Variants in IQGAP2 observed in about 807,000 individuals in gnomAD.
IQGAP2 encodes the protein ras GTPase-activating-like protein IQGAP2.
IQGAP2 carries 173 observed loss-of-function variants against 201.3 expected under a neutral mutation model. The ratio of observed to expected loss-of-function variants is 0.86; its 90% CI spans 0.76 to 0.98. The LOEUF is 0.98. IQGAP2 is among the 50% of genes least tolerant of loss of function. The pLI, the probability that IQGAP2 is intolerant of heterozygous loss-of-function variation, is 0.00. For missense variants in IQGAP2, 1,687 were observed against 1,864.8 expected (o/e 0.90, Z 1.76); for synonymous variants, 675 against 673.9 (o/e 1.00, Z -0.03).
chr5:76,613,770 C>T (rs796744331), intron 13 of IQGAP2, among the ~76,000 whole-genome samples: 3 of 151,814 alleles, frequency 2.0e-5, no homozygotes, highest in East Asian at 1.9e-4. Flanking sequence ...TATCAGCTCA[C>T]GGAAACCTCC....
chr5:76,601,073 T>C, intron 11 of IQGAP2, 101 bp downstream of exon 11: 2 of 1,122,158 alleles, frequency 1.8e-6, no homozygotes, highest in Non-Finnish European at 2.6e-6. Context: ...CCATATACCA[T>C]GCTCATGTTT....
chr5:76,403,628 T>C lies in IQGAP2; in HGVS notation c.46+37T>C. On this transcript the variant is annotated intron_variant, in intron 1 of 35. Transcript: ENST00000274364. The surrounding 1 kb of genome is among the most constrained non-coding windows in gnomAD (Gnocchi z 4.8). Reference sequence around the variant, plus strand: ...GGGCGCGCGGGGTTCCTGCTGGCCTTGGGGAGCTCCCTCCCCGAGGACGGC... The same window carrying C: ...GGGCGCGCGGGGTTCCTGCTGGCCTCGGGGAGCTCCCTCCCCGAGGACGGC... 6.8e-7 allele frequency: 1 copy of C among 1,472,262 alleles called. No homozygotes were observed. The highest frequency in any genetic ancestry group is 9.0e-7 in the Non-Finnish European group (1 of 1,109,976). The allele number at this position is 1,472,262 out of a possible 1,614,324, so 91.2% of individuals were successfully genotyped here. A position where few individuals can be genotyped will look rare whatever the true frequency, so the allele number is the denominator to read the frequency against.
intron 21 of IQGAP2, among the ~76,000 whole-genome samples, chr5:76,662,136 C>A: frequency 6.6e-6 from 1 of 152,214 alleles, no homozygotes; most frequent in Non-Finnish European, 1.5e-5. Context: ...TTCACACAAG[C>A]ACATTCTGGA....
chr5:76,425,780 TGCTG>T lies in IQGAP2; in HGVS notation c.46+22192_46+22195del, dbSNP rs1751960473. Among the ~76,000 whole-genome samples, 3 of 152,326 alleles carry T rather than the reference TGCTG, an allele frequency of 2.0e-5. No homozygotes were observed. The South Asian group carries it at 6.2e-4, about 32-fold the overall frequency. On this transcript the variant is annotated intron_variant, in intron 1 of 35. Coordinates refer to ENST00000274364, the MANE Select transcript of IQGAP2 (RefSeq NM_006633.5). ...TGGGATGAATTGCCAATAATCATTT[TGCTG>T]GCCTTGCTTTTCGGTTACCTTTTAC...
intron 13 of IQGAP2, among the ~76,000 whole-genome samples, chr5:76,619,515 T>A (rs1811686): frequency 2.2e-5 from 2 of 89,336 alleles, no homozygotes. Flanking sequence ...AAGGATCTTC[T>A]TTTTTTTTTT....
At chr5:76,505,394 A>G (rs757212680) in intron 2 of IQGAP2, among the ~76,000 whole-genome samples, 1 of 152,130 alleles carries the variant, frequency 6.6e-6, no homozygotes, top group Non-Finnish European at 1.5e-5. Flanking sequence ...TGCTGCTACC[A>G]CTGGCTTCCT....
Position 76,695,639 on chromosome 5 carries a change from C to T in IQGAP2, c.4179C>T (p.Tyr1393=), listed in dbSNP as rs1580843266. Residue 1393 remains tyrosine, a synonymous_variant, in exon 32 of 36, where the codon TAC becomes TAT. Transcript: ENST00000274364. ...GACACGTGTCATCCGAAAATAAATA[C>T]CAAGACATTCTCAATGAGATTGCCA... ...QTGHVSSENK[Y]QDILNEIAKD... is the part of the protein sequence containing the mutation. The T allele has an allele frequency of 6.2e-7, 1 of 1,613,968 alleles. No individual in the cohort carries two copies. Among genetic ancestry groups the T allele is most frequent in the South Asian group, 1.1e-5 (1 of 91,070 alleles).
Position 76,673,610 on chromosome 5 carries a change from GTT to G in IQGAP2, c.3209+23_3209+24del, listed in dbSNP as rs765110707. 1.4e-5 allele frequency: 23 copies of G among 1,611,238 alleles called. No individual in the cohort carries two copies. The African/African-American group carries it at 3.1e-4, about 22-fold the overall frequency. On this transcript the variant is annotated intron_variant, in intron 25 of 35. Transcript: ENST00000274364. ...CTGCCGTAAGTTGTACTTGCAGCAA[GTT>G]TAACATTCTTTCCTGGAACGTTCTT...
At chr5:76,703,728 A>G (rs1432909435) in intron 35 of IQGAP2, among the ~76,000 whole-genome samples, 2 of 151,576 alleles carry the variant, frequency 1.3e-5, no homozygotes, top group African/African-American at 4.8e-5. Context: ...GCACAAAACC[A>G]ATTTAAAGAA....
At chr5:76,508,862 A>G (rs1212893215) in intron 2 of IQGAP2, among the ~76,000 whole-genome samples, 1 of 151,964 alleles carries the variant, frequency 6.6e-6, no homozygotes, top group Non-Finnish European at 1.5e-5. Context: ...CCTTTTTTCT[A>G]CCTGTTAATT....
chr5:76,511,741 C>T (rs1264698955), intron 2 of IQGAP2, among the ~76,000 whole-genome samples: 6 of 149,670 alleles, frequency 4.0e-5, no homozygotes, highest in South Asian at 2.1e-4. Flanking sequence ...AGTGCAGTGG[C>T]GCGATCTCGG....
intron 1 of IQGAP2, among the ~76,000 whole-genome samples, chr5:76,433,128 G>A (rs1302814800): frequency 6.6e-6 from 1 of 152,176 alleles, no homozygotes; most frequent in Non-Finnish European, 1.5e-5. Context: ...AATACTTGCA[G>A]ATACTTTTCT....
At chr5:76,613,742 T>C (rs1005423790) in intron 13 of IQGAP2, among the ~76,000 whole-genome samples, 2 of 151,820 alleles carry the variant, frequency 1.3e-5, no homozygotes, top group Non-Finnish European at 2.9e-5. Context: ...TTACCCAGGC[T>C]GGAGTGCCGT....
intron 5 of IQGAP2, among the ~76,000 whole-genome samples, chr5:76,583,711 C>A (rs1746036665): frequency 6.6e-6 from 1 of 151,970 alleles, no homozygotes; most frequent in Non-Finnish European, 1.5e-5. Context: ...TTACATTGTA[C>A]AATGGAGAAA....
At chr5:76,510,174 A>G (rs1228719631) in intron 2 of IQGAP2, among the ~76,000 whole-genome samples, 1 of 151,724 alleles carries the variant, frequency 6.6e-6, no homozygotes, top group African/African-American at 2.4e-5. Flanking sequence ...TAATTTTTGT[A>G]TTTTTGGTAG....
chr5:76,454,017 T>C (rs1753921521), intron 1 of IQGAP2, among the ~76,000 whole-genome samples: 1 of 152,162 alleles, frequency 6.6e-6, no homozygotes, highest in South Asian at 2.1e-4. Flanking sequence ...ACAGAGTGTA[T>C]AGGAGCAGGC....
intron 14 of IQGAP2, among the ~76,000 whole-genome samples, chr5:76,629,765 G>A (rs1750545706): frequency 6.6e-6 from 1 of 152,166 alleles, no homozygotes; most frequent in Non-Finnish European, 1.5e-5. Context: ...TGTGCCTTAA[G>A]AGAGCCTGCT....
At chr5:76,519,113 T>G (rs1758518445) in intron 2 of IQGAP2, among the ~76,000 whole-genome samples, 1 of 152,188 alleles carries the variant, frequency 6.6e-6, no homozygotes, top group South Asian at 2.1e-4. Flanking sequence ...GGTGTAAAAT[T>G]GCACAAGTTT....
intron 1 of IQGAP2, among the ~76,000 whole-genome samples, chr5:76,458,324 T>G (rs2150122968): frequency 1.3e-5 from 2 of 152,352 alleles, no homozygotes; most frequent in Middle Eastern, 6.8e-3. Flanking sequence ...AGCCACATCT[T>G]AAGTGAATTA....
Sources: gnomAD v4.1 joint callset for allele counts (sites outside exome capture counted in the v4.1 genomes callset) on GRCh38, gnomAD v4.1.1 for gene constraint, Gnocchi (gnomAD v3.1) non-coding constraint, MANE v1.5 for transcripts, NCBI Gene and HGNC (gene_info 2026-07-23, HGNC 2026-07-21) for gene names.